DNAH3: variants seen among roughly 807,000 people sequenced by gnomAD.
DNAH3 encodes dynein axonemal heavy chain 3.
Under a neutral mutation model 432.5 loss-of-function variants are expected in DNAH3, and 332 were observed. The ratio of observed to expected loss-of-function variants is 0.77; its 90% confidence interval spans 0.70 to 0.84. The LOEUF is 0.84. DNAH3 is among the 40% of genes least tolerant of loss of function. The pLI is 0.00. For missense variants in DNAH3, 4,861 were observed against 5,114.0 expected (o/e 0.95, Z 1.51); for synonymous variants, 1,956 against 1,900.2 (o/e 1.03, Z -0.76).
chr16:21,007,240 C>T (rs2087353178), intron 41 of DNAH3, among the ~76,000 whole-genome samples: 1 of 140,454 alleles, frequency 7.1e-6, no homozygotes, highest in African/African-American at 2.7e-5. Flanking sequence ...GGCAGGGTCT[C>T]ACTCTGTCAC....
exon 47 of DNAH3, chr16:20,987,314 G>T: frequency 6.2e-7 from 1 of 1,614,014 alleles, no homozygotes; most frequent in Non-Finnish European, 8.5e-7. Context: ...CCTTCTCTAT[G>T]GTCTGCTTGA....
At chr16:20,964,947 G>T in exon 53 of DNAH3, 1 of 1,614,174 alleles carries the variant, frequency 6.2e-7, no homozygotes, top group Non-Finnish European at 8.5e-7. Flanking sequence ...CGGTCCATCT[G>T]TCCTTCTCTC....
intron 1 of DNAH3, chr16:21,150,307 C>T (rs1567880475): frequency 2.2e-6 from 1 of 455,580 alleles, no homozygotes; most frequent in East Asian, 7.0e-5. Context: ...GATGAGCAAT[C>T]CATGTCACCC....
At position 21,037,990 on chromosome 16, in the gene DNAH3, C is replaced by T; in HGVS notation, c.4731-10G>A. ...GATCTTCTGGGCGAGACTAGAAGGG[C>T]AAAGACATGTATGCGGACACCCAGA... On this transcript the variant is annotated splice_polypyrimidine_tract_variant and intron_variant, in intron 33 of 61. Transcript: ENST00000261383. 1 of 1,613,044 alleles carries T rather than the reference C, an allele frequency of 6.2e-7. No individual in the cohort carries two copies. The highest frequency in any genetic ancestry group is 2.2e-5 in the East Asian group (1 of 44,858).
exon 53 of DNAH3, chr16:20,964,618 T>C (rs2084970139): frequency 3.1e-6 from 5 of 1,614,218 alleles, no homozygotes; most frequent in South Asian, 2.2e-5. Flanking sequence ...AATCCATTTA[T>C]TGGCCTGCCC....
intron 31 of DNAH3, among the ~76,000 whole-genome samples, chr16:21,043,127 A>C (rs954922352): frequency 2.0e-5 from 3 of 151,928 alleles, no homozygotes; most frequent in Non-Finnish European, 2.9e-5. Context: ...TGCTGCAGTA[A>C]ACATACGTGT....
At chr16:21,023,884 T>C (rs1233701791) in intron 39 of DNAH3, among the ~76,000 whole-genome samples, 2 of 151,776 alleles carry the variant, frequency 1.3e-5, no homozygotes, top group African/African-American at 4.8e-5. Context: ...TGTATGTAGG[T>C]GATGACAGAC....
At chr16:21,076,725 G>A (rs1354562217) in intron 20 of DNAH3, among the ~76,000 whole-genome samples, 1 of 151,356 alleles carries the variant, frequency 6.6e-6, no homozygotes, top group African/African-American at 2.4e-5. Flanking sequence ...TTTTCATATT[G>A]TTCTGTTTCC....
intron 17 of DNAH3, 147 bp downstream of exon 17, chr16:21,098,469 A>G: frequency 1.2e-6 from 1 of 809,608 alleles, no homozygotes; most frequent in Non-Finnish European, 1.8e-6. Context: ...GAAAAGAAAA[A>G]AGAAAGTACC....
intron 3 of DNAH3, among the ~76,000 whole-genome samples, chr16:21,142,392 T>C (rs1282083853): frequency 1.3e-5 from 2 of 152,082 alleles, no homozygotes; most frequent in Non-Finnish European, 2.9e-5. Context: ...CATACATACA[T>C]GCATACATAC....
intron 41 of DNAH3, among the ~76,000 whole-genome samples, chr16:21,014,365 C>T (rs2087758986): frequency 6.6e-6 from 1 of 152,116 alleles, no homozygotes; most frequent in African/African-American, 2.4e-5. Context: ...CATATGATCA[C>T]GTTAATAGAT....
At chr16:20,966,592 ACTT>A (rs1275473642) in intron 52 of DNAH3, among the ~76,000 whole-genome samples, 3 of 152,260 alleles carry the variant, frequency 2.0e-5, no homozygotes, top group African/African-American at 2.4e-5. Context: ...AAAGCGGTAA[ACTT>A]CTTCTGTTTT....
At chr16:20,969,605 G>A (rs912257045) in intron 52 of DNAH3, among the ~76,000 whole-genome samples, 187 bp downstream of exon 52, 1 of 152,234 alleles carries the variant, frequency 6.6e-6, no homozygotes, top group Non-Finnish European at 1.5e-5. Context: ...CTGAGAGGGC[G>A]GAGGCCGCTG....
At chr16:21,101,598 C>T (rs1166448886) in intron 16 of DNAH3, among the ~76,000 whole-genome samples, 1 of 152,074 alleles carries the variant, frequency 6.6e-6, no homozygotes, top group Non-Finnish European at 1.5e-5. Flanking sequence ...GGATTACTTG[C>T]AGGGGTGAGA....
intron 14 of DNAH3, 121 bp from the exon 15 acceptor site, chr16:21,106,795 AT>A (rs1040490560): frequency 1.1e-4 from 99 of 909,466 alleles, no homozygotes; most frequent in East Asian, 2.8e-4. Context: ...AAAAAAGAAA[AT>A]TTTTTTTTAA....
In DNAH3 at chr16:21,145,933, C is replaced by T. The variant is rs559631985; in HGVS notation, c.222+51G>A. 82 of 1,145,458 alleles carry T rather than the reference C, an allele frequency of 7.2e-5. No homozygotes were observed. In the South Asian group the frequency reaches 9.6e-4, roughly 13 times the overall value. The allele number at this position is 1,145,458 out of a possible 1,614,324, so 71.0% of individuals were successfully genotyped here. A position where few individuals can be genotyped will look rare whatever the true frequency, so the allele number is the denominator to read the frequency against. On this transcript the variant is annotated intron_variant, in intron 2 of 61. Coordinates refer to ENST00000261383, the Ensembl canonical transcript of DNAH3. ...CAAATACGGAGAGAAGTGGGGGATG[C>T]ACTTCACCTCCTCACCCTCAACAGA...
intron 5 of DNAH3, among the ~76,000 whole-genome samples, chr16:21,140,039 C>A (rs150624752): frequency 6.6e-6 from 1 of 151,612 alleles, no homozygotes. Context: ...CCTGCCTCGG[C>A]CTCCCAAAGT....
At chr16:20,984,073 T>A (rs144221360) in intron 48 of DNAH3, among the ~76,000 whole-genome samples, 55 of 144,482 alleles carry the variant, frequency 3.8e-4, no homozygotes, top group African/African-American at 1.3e-3. Context: ...TTTGAAAAGA[T>A]GAAGGTGGAG....
At position 21,154,100 on chromosome 16, in the gene DNAH3, A is replaced by G. The variant is rs139330838; in HGVS notation, c.117+5225T>C. Among the ~76,000 whole-genome samples, 36 of 152,316 alleles carry G rather than the reference A, an allele frequency of 2.4e-4. 1 individual carries two copies. In the South Asian group the frequency reaches 3.9e-3, roughly 17 times the overall value. The stretch of plus-strand genomic sequence containing the variant: ...CACCAAAAACAGCAACTGTAATCCA[A>G]TGAAGTGAAAAATTAGAATGGGGCC... On this transcript the variant is annotated intron_variant, in intron 1 of 61. Coordinates refer to ENST00000261383, the Ensembl canonical transcript of DNAH3.
Sources: gnomAD v4.1 joint callset for allele counts (sites outside exome capture counted in the v4.1 genomes callset) on GRCh38, gnomAD v4.1.1 for gene constraint, MANE v1.5 for transcripts, NCBI Gene and HGNC (gene_info 2026-07-23, HGNC 2026-07-21) for gene names.